Variants in MYNN observed in about 807,000 individuals in gnomAD.
MYNN encodes zinc finger and BTB domain-containing protein 31.
MYNN carries 22 observed loss-of-function variants against 57.2 expected under a neutral mutation model. The observed-to-expected ratio is 0.38, with a 90% CI of 0.27 to 0.55. The LOEUF (loss-of-function observed/expected upper bound fraction) is 0.55. Ranked by LOEUF, MYNN falls within the 20% of genes least tolerant of loss-of-function variation. MYNN has a pLI of 0.71. For missense variants in MYNN, 566 were observed against 723.1 expected (o/e 0.78, Z 2.49); for synonymous variants, 241 against 257.1 (o/e 0.94, Z 0.60).
At position 169,782,669 on chromosome 3, in the gene MYNN, T is replaced by A. The variant is rs372166751; in HGVS notation, c.1399+26T>A. On this transcript the variant is annotated intron_variant, in intron 5 of 7. Transcript: ENST00000349841. This position sits in a 1 kb window ranked among gnomAD's most constrained non-coding sequence, Gnocchi z 4.8. ...GTAAGTTTGACAGGGAGAGACTGCT[T>A]AAAATAAAGTTATAAATAAAAGAAA... 2.6e-5 allele frequency: 41 copies of A among 1,585,502 alleles called. No individual in the cohort carries two copies. The African/African-American group carries it at 4.4e-4, about 17-fold the overall frequency.
Position 169,784,686 on chromosome 3 carries a change from G to A in MYNN, c.1548G>A (p.Lys516=). Residue 516 remains lysine (K), a synonymous_variant, in exon 7 of 8, where the codon AAG becomes AAA. Transcript: ENST00000349841. ...NSYTDIKNLK[K]HKTKVHSGAD... ...ACACAGATATTAAAAATTTAAAGAA[G>A]CACAAAACAAAAGTCCATTCTGGTA... 6.3e-7 allele frequency: 1 copy of A among 1,578,088 alleles called. No individual in the cohort carries two copies. Among genetic ancestry groups the A allele is most frequent in the Non-Finnish European group, 8.6e-7 (1 of 1,162,928 alleles).
At position 169,779,303 on chromosome 3, in the gene MYNN, G is replaced by A; in HGVS notation, c.802G>A (p.Ala268Thr). 1 of 1,614,152 alleles carries A rather than the reference G, an allele frequency of 6.2e-7. No homozygotes were observed. The highest frequency in any genetic ancestry group is 8.5e-7 in the Non-Finnish European group (1 of 1,180,044). Reference sequence around the variant, plus strand: ...ACGTGGAAAATCACAGCCAAACTGTGCTCTGAAAGAACACTCTATGTCTAA... The same window carrying A: ...ACGTGGAAAATCACAGCCAAACTGTACTCTGAAAGAACACTCTATGTCTAA... ...RKRGKSQPNC[A>T]LKEHSMSNIA... Residue 268 changes from alanine to threonine, a missense_variant, in exon 3 of 8, where the codon GCT becomes ACT. Around this residue, in one of 4 missense-constraint regions of MYNN, gnomAD observed 261 missense variants for 280.8 expected, o/e 0.93. Coordinates refer to ENST00000349841, the MANE Select transcript of MYNN (RefSeq NM_018657.5).
In MYNN at chr3:169,786,738, G is replaced by A. The variant is rs1208711934; in HGVS notation, c.*60G>A. 2.7e-6 allele frequency: 4 copies of A among 1,488,638 alleles called. No individual in the cohort carries two copies. In the African/African-American group the frequency reaches 5.6e-5, roughly 21 times the overall value. 92.2% of individuals were successfully genotyped at this position (1,488,638 alleles called of 1,614,324 possible). Reference sequence around the variant, plus strand: ...TGGTAGCAAACATCTCTGGTAAGGTGCATATATTCATATTAAATTCCCATT... The same window carrying A: ...TGGTAGCAAACATCTCTGGTAAGGTACATATATTCATATTAAATTCCCATT... On this transcript the variant is annotated 3_prime_UTR_variant, in exon 8 of 8. Coordinates refer to ENST00000349841, the MANE Select transcript of MYNN (RefSeq NM_018657.5).
intron 1 of MYNN, 56 bp downstream of exon 1, chr3:169,773,518 A>C (rs1778237017): frequency 6.6e-6 from 1 of 152,586 alleles, no homozygotes. Context: ...AGCCTGGGCC[A>C]TCAGAGGGCA....
intron 6 of MYNN, among the ~76,000 whole-genome samples, chr3:169,784,393 A>G (rs543741166): frequency 1.3e-5 from 2 of 152,086 alleles, no homozygotes; most frequent in South Asian, 2.1e-4. Context: ...ATTTCTGTTT[A>G]TGAAAATGCT....
intron 2 of MYNN, 92 bp downstream of exon 2, chr3:169,774,653 C>A: frequency 8.3e-7 from 1 of 1,209,406 alleles, no homozygotes; most frequent in Non-Finnish European, 1.2e-6. Context: ...ATTCTCTGAA[C>A]TCAAATTCTT....
At chr3:169,781,518 G>A (rs952544117) in intron 4 of MYNN, among the ~76,000 whole-genome samples, 1 of 152,184 alleles carries the variant, frequency 6.6e-6, no homozygotes, top group African/African-American at 2.4e-5. Flanking sequence ...CCAAGAGAGT[G>A]AATGTGGACA....
At chr3:169,778,645 G>C (rs1778419007) in intron 2 of MYNN, 123 bp from the exon 3 acceptor site, 1 of 705,270 alleles carries the variant, frequency 1.4e-6, no homozygotes, top group Admixed American at 2.8e-5. Context: ...TTTTCTCTTA[G>C]TTATGTCTTT....
rs982688053 is a variant in MYNN at position 169,782,166 on chromosome 3, A to G, written c.1221-299A>G. Among the ~76,000 whole-genome samples, 7 of 152,160 alleles carry G rather than the reference A, an allele frequency of 4.6e-5. No homozygotes were observed. Among genetic ancestry groups the G allele is most frequent in the Non-Finnish European group, 1.0e-4 (7 of 67,998 alleles). ...GGAGATGCTGATGGTTTGAGGAGAGAGTTCACAAGTCAAAGAGTGACTAGA... is the reference window on the plus strand; with the variant it reads ...GGAGATGCTGATGGTTTGAGGAGAGGGTTCACAAGTCAAAGAGTGACTAGA... On this transcript the variant is annotated intron_variant, in intron 4 of 7. Transcript: ENST00000349841. The surrounding 1 kb of genome is among the most constrained non-coding windows in gnomAD (Gnocchi z 4.8).
Position 169,774,430 on chromosome 3 carries a change from T to C in MYNN, c.135T>C (p.Phe45=). 6.2e-7 allele frequency: 1 copy of C among 1,614,146 alleles called. No individual in the cohort carries two copies. The highest frequency in any genetic ancestry group is 8.5e-7 in the Non-Finnish European group (1 of 1,180,018). Residue 45 remains phenylalanine, a synonymous_variant, in exon 2 of 8, where the codon TTT becomes TTC. Coordinates refer to ENST00000349841, the MANE Select transcript of MYNN (RefSeq NM_018657.5). ...FKAHRNVLAS[F]SEYFGAIYRS... ...CTCATAGGAATGTGCTGGCCTCCTTTAGTGAGTATTTTGGTGCGATCTACA... is the reference window on the plus strand; with the variant it reads ...CTCATAGGAATGTGCTGGCCTCCTTCAGTGAGTATTTTGGTGCGATCTACA...
rs537829908 is a variant in MYNN at position 169,782,170 on chromosome 3, C to G, written c.1221-295C>G. Reference sequence around the variant, plus strand: ...ATGCTGATGGTTTGAGGAGAGAGTTCACAAGTCAAAGAGTGACTAGACTCA... The same window carrying G: ...ATGCTGATGGTTTGAGGAGAGAGTTGACAAGTCAAAGAGTGACTAGACTCA... On this transcript the variant is annotated intron_variant, in intron 4 of 7. Coordinates refer to ENST00000349841, the MANE Select transcript of MYNN (RefSeq NM_018657.5). This position sits in a 1 kb window ranked among gnomAD's most constrained non-coding sequence, Gnocchi z 4.8. Among the ~76,000 whole-genome samples the G allele has an allele frequency of 1.3e-5, 2 of 152,158 alleles. No homozygotes were observed. The highest frequency in any genetic ancestry group is 4.8e-5 in the African/African-American group (2 of 41,524).
chr3:169,785,078 G>GC (rs903080927), intron 7 of MYNN, among the ~76,000 whole-genome samples: 2 of 147,290 alleles, frequency 1.4e-5, no homozygotes, highest in African/African-American at 5.0e-5. Context: ...AAAGGGGGGG[G>GC]GGGTGGTGTT....
Position 169,787,481 on chromosome 3 carries a change from T to C in MYNN, c.*803T>C, listed in dbSNP as rs1577403945. On this transcript the variant is annotated 3_prime_UTR_variant, in exon 8 of 8. Transcript: ENST00000349841. ...GAGATGAGGAAAATGTACTTGAGTT[T>C]TGAAATATTTTGGTAAGCCTCTCTT... 6.6e-6 allele frequency: 1 copy of C among 152,226 alleles called. No individual in the cohort carries two copies. Among genetic ancestry groups the C allele is most frequent in the Non-Finnish European group, 1.5e-5 (1 of 67,956 alleles). The allele number at this position is 152,226 out of a possible 1,614,324, so 9.4% of individuals were successfully genotyped here. A position where few individuals can be genotyped will look rare whatever the true frequency, so the allele number is the denominator to read the frequency against.
intron 4 of MYNN, among the ~76,000 whole-genome samples, chr3:169,781,521 T>A (rs1414855628): frequency 2.6e-5 from 4 of 152,056 alleles, no homozygotes; most frequent in Non-Finnish European, 4.4e-5. Context: ...AGAGAGTGAA[T>A]GTGGACAGAA....
rs1180123642 is a variant in MYNN at position 169,782,812 on chromosome 3, CTT to C, written c.1399+170_1399+171del. ...CATATTTGTTAAATATAAAAGCTGA[CTT>C]ATTTTCTAGAATAATACAAGGTGGG... is the stretch of plus-strand genomic sequence containing the variant. On this transcript the variant is annotated intron_variant, in intron 5 of 7. Transcript: ENST00000349841. The surrounding 1 kb of genome is among the most constrained non-coding windows in gnomAD (Gnocchi z 4.8). Among the ~76,000 whole-genome samples, 1 of 152,116 alleles carries C rather than the reference CTT, an allele frequency of 6.6e-6. No homozygotes were observed. Among genetic ancestry groups the C allele is most frequent in the Non-Finnish European group, 1.5e-5 (1 of 68,012 alleles).
Position 169,782,034 on chromosome 3 carries a change from T to C in MYNN, c.1221-431T>C, listed in dbSNP as rs1465884099. ...ATATCATTAAGTAGGATCTCAAGTA[T>C]ACAAATTGGAATTGATGGATTCAGA... On this transcript the variant is annotated intron_variant, in intron 4 of 7. Coordinates refer to ENST00000349841, the MANE Select transcript of MYNN (RefSeq NM_018657.5). The surrounding 1 kb of genome is among the most constrained non-coding windows in gnomAD (Gnocchi z 4.8). Among the ~76,000 whole-genome samples the C allele has an allele frequency of 1.3e-5, 2 of 152,164 alleles. No homozygotes were observed. The highest frequency in any genetic ancestry group is 2.9e-5 in the Non-Finnish European group (2 of 68,028).
chr3:169,784,840 T>C (rs1778625239), intron 7 of MYNN, 132 bp downstream of exon 7: 6 of 480,744 alleles, frequency 1.2e-5, no homozygotes, highest in Non-Finnish European at 2.2e-5. Context: ...AAAAACTAGG[T>C]ATATACATGT....
rs1329164422 is a variant in MYNN at position 169,779,047 on chromosome 3, G to C, written c.546G>C (p.Lys182Asn). ...AAAAGTCATCTCAAACGAAAAAGAA[G>C]AAGAAGGCTTTCAACTCCCCGAAAA... ...LAKKSSQTKK[K>N]KKAFNSPKTG... is the part of the protein sequence containing the mutation. The change falls in exon 3 of 8, where the codon AAG (lysine) becomes AAC (asparagine). Residue 182 changes from lysine (K) to asparagine (N), a missense_variant. Lys to Asn is a moderately conservative substitution (Grantham distance 94, BLOSUM62 0). Transcript: ENST00000349841. 1 of 1,613,938 alleles carries C rather than the reference G, an allele frequency of 6.2e-7. No individual in the cohort carries two copies. Among genetic ancestry groups the C allele is most frequent in the African/African-American group, 1.3e-5 (1 of 74,938 alleles).
At chr3:169,778,016 GC>G in intron 2 of MYNN, 1 of 153,310 alleles carries the variant, frequency 6.5e-6, no homozygotes, top group Non-Finnish European at 1.5e-5. Context: ...ATCACTTGAG[GC>G]CAGGAGTTCG....
Sources: allele counts gnomAD v4.1 joint callset (sites outside exome capture counted in the v4.1 genomes callset), GRCh38; gene constraint gnomAD v4.1.1; regional missense constraint gnomAD v4.1.1; non-coding constraint Gnocchi (gnomAD v3.1); transcripts MANE v1.5; gene names NCBI Gene and HGNC (gene_info 2026-07-23, HGNC 2026-07-21).